Variants in TUFT1 observed in about 807,000 individuals in gnomAD.
The protein encoded by TUFT1 is tuftelin.
A neutral mutation model predicts 57.8 loss-of-function variants in TUFT1; 43 were observed. That is an observed-to-expected ratio of 0.74 (90% CI 0.58 to 0.96). The LOEUF is 0.96. Ranked by LOEUF, TUFT1 falls within the 40% of genes least tolerant of loss-of-function variation. The pLI is 0.00. For synonymous variants in TUFT1, 166 were observed against 176.7 expected, an observed-to-expected ratio of 0.94 and a Z score of 0.48; for missense variants, 459 against 489.0, an observed-to-expected ratio of 0.94 and a Z score of 0.58.
chr1:151,561,463 G>GCACACACACACACA (rs1318954660), intron 1 of TUFT1: 3 of 97,392 alleles, frequency 3.1e-5, no homozygotes, highest in South Asian at 9.1e-4. Context: ...GCAGTCATGC[G>GCACACACACACACA]CGCGCGCGCG....
Position 151,582,291 on chromosome 1 carries a change from T to A in TUFT1, c.*584T>A, listed in dbSNP as rs1394788362. 1 of 445,646 alleles carries A rather than the reference T, an allele frequency of 2.2e-6. No individual in the cohort carries two copies. The highest frequency in any genetic ancestry group is 2.0e-5 in the African/African-American group (1 of 49,746). The allele number at this position is 445,646 out of a possible 1,614,324, so 27.6% of individuals were successfully genotyped here. ...AGAGCCAGTGAACCTAAGCTTTGAC[T>A]GGGTGGCCTTGTCTTTCTGGGGAGG... On this transcript the variant is annotated 3_prime_UTR_variant, in exon 13 of 13. Transcript: ENST00000368849.
intron 7 of TUFT1, among the ~76,000 whole-genome samples, chr1:151,572,330 G>A (rs1666280436): frequency 6.6e-6 from 1 of 152,112 alleles, no homozygotes; most frequent in South Asian, 2.1e-4. Flanking sequence ...GGCAGGGTTG[G>A]CTGGAGCTAC....
chr1:151,558,220 AAGGATATTTTCCTTTGTTAC>A (rs1444347507), intron 1 of TUFT1, among the ~76,000 whole-genome samples: 4 of 151,908 alleles, frequency 2.6e-5, no homozygotes, highest in Non-Finnish European at 4.4e-5. Flanking sequence ...CTCATTTCTG[AAGGATATTTTCCTTTGTTAC>A]AGGATATTTT....
At chr1:151,574,779 G>C (rs575340385) in intron 8 of TUFT1, 132 bp from the exon 9 acceptor site, 7 of 755,790 alleles carry the variant, frequency 9.3e-6, no homozygotes, top group Non-Finnish European at 1.5e-5. Flanking sequence ...CATCAAACCA[G>C]CTCATCTTGC....
chr1:151,558,489 C>G (rs1665785045), intron 1 of TUFT1, among the ~76,000 whole-genome samples: 1 of 151,998 alleles, frequency 6.6e-6, no homozygotes, highest in South Asian at 2.1e-4. Flanking sequence ...CTTCTTGAAT[C>G]TATAGATTTG....
intron 2 of TUFT1, 42 bp from the exon 3 acceptor site, chr1:151,562,543 C>CCT: frequency 8.4e-5 from 105 of 1,245,444 alleles, no homozygotes; most frequent in Non-Finnish European, 1.1e-4. Context: ...GTGTCTGAGC[C>CCT]ATCTCTCTCT....
At chr1:151,561,712 T>A (rs1275310306) in intron 1 of TUFT1, 1 of 1,299,564 alleles carries the variant, frequency 7.7e-7, no homozygotes, top group Non-Finnish European at 1.0e-6. Context: ...GCTGGCTGGT[T>A]GTCAGGAGCA....
chr1:151,547,612 T>A (rs1279440183), intron 1 of TUFT1, among the ~76,000 whole-genome samples: 1 of 152,118 alleles, frequency 6.6e-6, no homozygotes, highest in Non-Finnish European at 1.5e-5. Flanking sequence ...GTGGTTTTCT[T>A]GGGTCTGGGA....
intron 1 of TUFT1, among the ~76,000 whole-genome samples, chr1:151,558,765 A>G (rs866777386): frequency 2.0e-5 from 3 of 150,302 alleles, no homozygotes; most frequent in African/African-American, 7.3e-5. Context: ...ATAGAACACT[A>G]TGGGGAGATA....
intron 1 of TUFT1, among the ~76,000 whole-genome samples, chr1:151,556,308 TCCTTTCC>T (rs1449950962): frequency 6.6e-6 from 1 of 151,902 alleles, no homozygotes; most frequent in Non-Finnish European, 1.5e-5. Flanking sequence ...TTTTTCCCTT[TCCTTTCC>T]CCTTTCCCCT....
chr1:151,542,373 C>T (rs1665195427), intron 1 of TUFT1, among the ~76,000 whole-genome samples: 2 of 151,314 alleles, frequency 1.3e-5, no homozygotes, highest in African/African-American at 4.8e-5. Flanking sequence ...AGGCACATGC[C>T]ACCACACCTG....
intron 1 of TUFT1, among the ~76,000 whole-genome samples, chr1:151,544,560 G>C (rs1453012398): frequency 6.6e-6 from 1 of 152,094 alleles, no homozygotes; most frequent in Non-Finnish European, 1.5e-5. Context: ...GCCTTCCAAA[G>C]TACTGGGATT....
Position 151,572,560 on chromosome 1 carries a change from A to G in TUFT1, c.595-1710A>G, listed in dbSNP as rs1443268744. 2.0e-5 allele frequency among the ~76,000 whole-genome samples: 3 copies of G among 152,250 alleles called. No individual in the cohort carries two copies. The East Asian group carries it at 5.8e-4, about 29-fold the overall frequency. On this transcript the variant is annotated intron_variant, in intron 7 of 12. Transcript: ENST00000368849. The stretch of plus-strand genomic sequence containing the variant: ...TACTTTTAAGTTCCTGCCTATGGGG[A>G]TGGCCTATTTCAGGTTAATATGGGT...
intron 1 of TUFT1, among the ~76,000 whole-genome samples, chr1:151,547,293 A>G (rs1002745076): frequency 2.0e-5 from 3 of 152,184 alleles, no homozygotes; most frequent in African/African-American, 7.2e-5. Context: ...TGGCACTAAC[A>G]TTTGCCCATA....
chr1:151,581,682 C>T lies in TUFT1; in HGVS notation c.1148C>T (p.Pro383Leu). 6.2e-7 allele frequency: 1 copy of T among 1,614,184 alleles called. No homozygotes were observed. Residue 383 changes from proline (P) to leucine (L), a missense_variant, in exon 13 of 13, where the codon CCT (proline) becomes CTT (leucine). Pro to Leu is a moderately conservative substitution (Grantham distance 98). Transcript: ENST00000368849. ...ISKPPSPKPM[P>L]VIRVVET is the part of the protein sequence containing the mutation. ...AAGCCGCCTAGCCCGAAGCCCATGCCTGTCATCCGAGTGGTGGAAACCTGA... is the reference window on the plus strand; with the variant it reads ...AAGCCGCCTAGCCCGAAGCCCATGCTTGTCATCCGAGTGGTGGAAACCTGA...
intron 1 of TUFT1, chr1:151,561,681 T>A: frequency 7.8e-7 from 1 of 1,274,882 alleles, no homozygotes; most frequent in Non-Finnish European, 1.0e-6. Context: ...ATGCTAGTCT[T>A]GTAAAGTGCA....
intron 1 of TUFT1, among the ~76,000 whole-genome samples, chr1:151,550,188 C>T (rs981184935): frequency 6.6e-6 from 1 of 151,816 alleles, no homozygotes; most frequent in African/African-American, 2.4e-5. Context: ...CCCACCACCA[C>T]ACCTGGCCAG....
At chr1:151,541,481 A>G (rs1259285114) in intron 1 of TUFT1, among the ~76,000 whole-genome samples, 1 of 152,122 alleles carries the variant, frequency 6.6e-6, no homozygotes, top group Admixed American at 6.5e-5. Flanking sequence ...GAGTGAAATG[A>G]AAACTAAGGT....
In TUFT1 at chr1:151,574,351, G is replaced by C; in HGVS notation, c.676G>C (p.Glu226Gln). The C allele has an allele frequency of 6.2e-7, 1 of 1,614,206 alleles. No homozygotes were observed. The highest frequency in any genetic ancestry group is 8.5e-7 in the Non-Finnish European group (1 of 1,180,030). ...AGAGGAGGACAGAGTGGAGCAGAAA[G>C]AGGCAGAAGTCGGAGAGCTGCAGAG... ...QREEDRVEQK[E>Q]AEVGELQRRL... is the part of the protein sequence containing the mutation. Residue 226 changes from glutamate to glutamine, a missense_variant, in exon 8 of 13, where the codon GAG becomes CAG. Physicochemically the swap from Glu to Gln is conservative, Grantham distance 29. Coordinates refer to ENST00000368849, the MANE Select transcript of TUFT1 (RefSeq NM_020127.3).
Sources: gnomAD v4.1 joint callset for allele counts (sites outside exome capture counted in the v4.1 genomes callset) on GRCh38, gnomAD v4.1.1 for gene constraint, MANE v1.5 for transcripts, NCBI Gene and HGNC (gene_info 2026-07-23, HGNC 2026-07-21) for gene names.